ANKS1B: variants seen among roughly 807,000 people sequenced by gnomAD.
ANKS1B encodes ankyrin repeat and sterile alpha motif domain containing 1B.
ANKS1B carries 36 observed loss-of-function variants against 148.3 expected under a neutral mutation model. The ratio of observed to expected loss-of-function variants is 0.24; its 90% CI spans 0.19 to 0.32. The LOEUF (loss-of-function observed/expected upper bound fraction) is 0.32, where lower values mean the gene tolerates loss of function less well. Ranked by LOEUF, ANKS1B falls within the 10% of genes least tolerant of loss-of-function variation. The pLI, the probability that ANKS1B is intolerant of heterozygous loss-of-function variation, is 1.00. For missense variants in ANKS1B, 1,157 were observed against 1,542.6 expected (o/e 0.75, Z 4.19); for synonymous variants, 542 against 560.8 (o/e 0.97, Z 0.47).
chr12:99,413,395 C>A (rs1449433295), intron 11 of ANKS1B, among the ~76,000 whole-genome samples: 2 of 152,112 alleles, frequency 1.3e-5, no homozygotes, highest in Admixed American at 1.3e-4. Context: ...CAAAGAGAAG[C>A]AAACATATTT....
Position 99,916,363 on chromosome 12 carries a change from G to A in ANKS1B, c.134+67741C>T, listed in dbSNP as rs76797157. ...AGGCTCTAAGCTGACACTTATACCA[G>A]GGTATCCAAAATAGCTTTGTGGTCT... is the stretch of plus-strand genomic sequence containing the variant. On this transcript the variant is annotated intron_variant, in intron 1 of 26. Transcript: ENST00000683438. Among the ~76,000 whole-genome samples the A allele has an allele frequency of 8.7e-3, 1,327 of 152,290 alleles. 24 individuals carry two copies. Among genetic ancestry groups the A allele is most frequent in the African/African-American group, 0.03 (1,261 of 41,564 alleles).
chr12:99,413,101 G>A (rs1021370634), intron 11 of ANKS1B, among the ~76,000 whole-genome samples: 2 of 152,166 alleles, frequency 1.3e-5, no homozygotes, highest in South Asian at 2.1e-4. Context: ...TAAAGAAGTC[G>A]TGAGTGAGTA....
rs192766775 is a variant in ANKS1B at position 98,825,064 on chromosome 12, T to A, written c.3066+4110A>T. On this transcript the variant is annotated intron_variant, in intron 19 of 26. Coordinates refer to ENST00000683438, the MANE Select transcript of ANKS1B (RefSeq NM_001352186.2). ...GGACTATAGAAGAACAAGGATAGGGTTAGGCAGGCCAGGGCTTGAGTCCCA... is the reference window on the plus strand; with the variant it reads ...GGACTATAGAAGAACAAGGATAGGGATAGGCAGGCCAGGGCTTGAGTCCCA... Among the ~76,000 whole-genome samples, 44 of 152,144 alleles carry A rather than the reference T, an allele frequency of 2.9e-4. 1 individual carries two copies. In the East Asian group the frequency reaches 6.4e-3, roughly 22 times the overall value.
At chr12:99,523,330 T>C (rs1681845855) in intron 9 of ANKS1B, among the ~76,000 whole-genome samples, 1 of 152,164 alleles carries the variant, frequency 6.6e-6, no homozygotes, top group Non-Finnish European at 1.5e-5. Flanking sequence ...GGAACGTGTA[T>C]GACAAACATT....
At chr12:98,925,268 C>T (rs2099806553) in intron 17 of ANKS1B, among the ~76,000 whole-genome samples, 1 of 152,086 alleles carries the variant, frequency 6.6e-6, no homozygotes, top group African/African-American at 2.4e-5. Context: ...AATGAAGCAG[C>T]AGGAAATGCT....
chr12:99,733,635 T>C (rs933018459), intron 8 of ANKS1B, among the ~76,000 whole-genome samples: 1 of 152,192 alleles, frequency 6.6e-6, no homozygotes, highest in Non-Finnish European at 1.5e-5. Flanking sequence ...AATAGGATAA[T>C]TGCATTATCC....
At chr12:99,478,323 C>T (rs796888163) in intron 10 of ANKS1B, among the ~76,000 whole-genome samples, 55 of 152,136 alleles carry the variant, frequency 3.6e-4, no homozygotes, top group African/African-American at 1.1e-3. Flanking sequence ...TTTCTTTCAC[C>T]TTTAATTTCC....
intron 15 of ANKS1B, among the ~76,000 whole-genome samples, chr12:99,117,705 G>T (rs1036992666): frequency 6.6e-6 from 1 of 152,164 alleles, no homozygotes; most frequent in African/African-American, 2.4e-5. Flanking sequence ...GATGAGGCTG[G>T]CCTCATAAAA....
At chr12:98,953,504 A>T in intron 17 of ANKS1B, among the ~76,000 whole-genome samples, 1 of 123,804 alleles carries the variant, frequency 8.1e-6, no homozygotes. Context: ...TTCCTTCAAA[A>T]TGTTTATCAT....
At chr12:99,338,871 C>T (rs958829560) in intron 12 of ANKS1B, among the ~76,000 whole-genome samples, 4 of 152,120 alleles carry the variant, frequency 2.6e-5, no homozygotes, top group Non-Finnish European at 5.9e-5. Flanking sequence ...TGCCTAAGAC[C>T]TTATTTGACT....
intron 12 of ANKS1B, among the ~76,000 whole-genome samples, chr12:99,314,790 C>T (rs3103737): frequency 0.017 from 2,619 of 152,062 alleles, 35 homozygotes; most frequent in African/African-American, 0.048. Flanking sequence ...AAGACTTAAA[C>T]GTAAACCCCA....
intron 1 of ANKS1B, among the ~76,000 whole-genome samples, chr12:99,866,189 T>C (rs956550710): frequency 2.6e-5 from 4 of 152,168 alleles, no homozygotes; most frequent in Non-Finnish European, 5.9e-5. Flanking sequence ...ACTTGGTTCC[T>C]ATTGTTGGCA....
chr12:99,817,369 T>C (rs1005397100), intron 2 of ANKS1B, among the ~76,000 whole-genome samples: 6 of 151,768 alleles, frequency 4.0e-5, no homozygotes, highest in Non-Finnish European at 2.9e-5. Flanking sequence ...GGTTGAATAA[T>C]ATTCTATTGT....
At chr12:99,152,364 A>G (rs2075163056) in intron 15 of ANKS1B, among the ~76,000 whole-genome samples, 1 of 152,096 alleles carries the variant, frequency 6.6e-6, no homozygotes, top group African/African-American at 2.4e-5. Flanking sequence ...AGTTAATAAT[A>G]TTTTCTTATT....
intron 17 of ANKS1B, among the ~76,000 whole-genome samples, chr12:98,879,464 C>T (rs1352403125): frequency 6.6e-6 from 1 of 152,296 alleles, no homozygotes; most frequent in South Asian, 2.1e-4. Context: ...CATTCATCCT[C>T]GCCTTTCCTC....
intron 1 of ANKS1B, among the ~76,000 whole-genome samples, chr12:99,840,123 A>T (rs1209348906): frequency 6.6e-6 from 1 of 152,164 alleles, no homozygotes; most frequent in Non-Finnish European, 1.5e-5. Flanking sequence ...AAATGAATAT[A>T]TAAATATATG....
At chr12:99,695,079 G>A (rs2053688242) in intron 8 of ANKS1B, among the ~76,000 whole-genome samples, 1 of 152,000 alleles carries the variant, frequency 6.6e-6, no homozygotes, top group East Asian at 1.9e-4. Flanking sequence ...CAAAGTGGGG[G>A]GGAAATAGTG....
intron 1 of ANKS1B, among the ~76,000 whole-genome samples, chr12:99,925,153 C>T (rs936606379): frequency 1.1e-4 from 16 of 152,062 alleles, no homozygotes; most frequent in Admixed American, 8.5e-4. Context: ...TCTGTGGATA[C>T]AAAACTAGAG....
intron 15 of ANKS1B, among the ~76,000 whole-genome samples, chr12:99,132,153 T>C (rs2066312829): frequency 1.3e-5 from 2 of 151,954 alleles, no homozygotes; most frequent in Non-Finnish European, 2.9e-5. Flanking sequence ...GCAACTCGTG[T>C]TGGGGCTGGG....
Sources: gnomAD v4.1 joint callset for allele counts (sites outside exome capture counted in the v4.1 genomes callset) on GRCh38, gnomAD v4.1.1 for gene constraint, MANE v1.5 for transcripts, NCBI Gene and HGNC (gene_info 2026-07-23, HGNC 2026-07-21) for gene names.